The following IQCM variants were observed in gnomAD, a reference collection of about 807,000 sequenced individuals.
IQCM encodes IQ domain-containing protein M.
A neutral mutation model predicts 57.6 loss-of-function variants in IQCM; 45 were observed. The observed-to-expected ratio is 0.78, with a 90% CI of 0.62 to 1.00. The LOEUF (loss-of-function observed/expected upper bound fraction) is 1.00. IQCM is among the 50% of genes least tolerant of loss of function. The probability of loss-of-function intolerance (pLI) is 0.00; values close to 1 mark genes in which losing one functional copy is unlikely to be tolerated. For synonymous variants in IQCM, 148 were observed against 158.9 expected (o/e 0.93, Z 0.51); for missense variants, 468 against 511.6 (o/e 0.91, Z 0.82).
At chr4:149,414,565 A>T (rs1421953606) in intron 13 of IQCM, among the ~76,000 whole-genome samples, 1 of 152,182 alleles carries the variant, frequency 6.6e-6, no homozygotes, top group East Asian at 1.9e-4. Context: ...TTTGTCCATT[A>T]TAGTCCTTAC....
rs1373199067 is a variant in IQCM, at chr4:149,533,904, T to A, written c.1228+14551A>T. Among the ~76,000 whole-genome samples, 4 of 152,098 alleles carry A rather than the reference T, an allele frequency of 2.6e-5. 1 individual carries two copies. Among genetic ancestry groups the A allele is most frequent in the Non-Finnish European group, 5.9e-5 (4 of 68,006 alleles). ...TTAATAGAAAAAAAGAAATCCATTC[T>A]CTACAAACTATCTTAATATGAACTG... On this transcript the variant is annotated intron_variant, in intron 12 of 13. Transcript: ENST00000636793.
chr4:149,448,249 C>T (rs1736724058), intron 12 of IQCM, among the ~76,000 whole-genome samples: 1 of 151,416 alleles, frequency 6.6e-6, no homozygotes, highest in Non-Finnish European at 1.5e-5. Context: ...ACTTTAGAAA[C>T]TATACAACAT....
At chr4:149,674,290 A>C (rs1433302679) in intron 7 of IQCM, among the ~76,000 whole-genome samples, 3 of 152,156 alleles carry the variant, frequency 2.0e-5, no homozygotes, top group Non-Finnish European at 1.5e-5. Flanking sequence ...ACACTTTTAC[A>C]AAATAAAATG....
intron 8 of IQCM, among the ~76,000 whole-genome samples, chr4:149,603,550 A>G (rs1343073162): frequency 2.6e-5 from 4 of 152,122 alleles, no homozygotes; most frequent in Non-Finnish European, 5.9e-5. Context: ...TTGTGTCCCT[A>G]TGATAGACTC....
At chr4:149,546,399 T>A (rs1454560860) in intron 12 of IQCM, among the ~76,000 whole-genome samples, 6 of 152,186 alleles carry the variant, frequency 3.9e-5, no homozygotes, top group South Asian at 4.1e-4. Context: ...CGCCACACTG[T>A]CTTCCACAAT....
intron 10 of IQCM, among the ~76,000 whole-genome samples, chr4:149,559,992 T>C (rs1749967887): frequency 6.6e-6 from 1 of 152,240 alleles, no homozygotes; most frequent in African/African-American, 2.4e-5. Flanking sequence ...TGCCTGATGA[T>C]CTGAAGCAGA....
chr4:149,460,238 C>T (rs1170966739), intron 12 of IQCM, among the ~76,000 whole-genome samples: 1 of 152,032 alleles, frequency 6.6e-6, no homozygotes, highest in Non-Finnish European at 1.5e-5. Flanking sequence ...ATGTTTAATC[C>T]AGTCATTTTT....
At chr4:149,532,883 G>A (rs1373360541) in intron 12 of IQCM, among the ~76,000 whole-genome samples, 1 of 152,120 alleles carries the variant, frequency 6.6e-6, no homozygotes, top group Non-Finnish European at 1.5e-5. Context: ...ATCTCAAGTA[G>A]TAATAAGTGG....
chr4:149,408,282 A>C (rs769041838), intron 13 of IQCM, among the ~76,000 whole-genome samples: 1 of 152,214 alleles, frequency 6.6e-6, no homozygotes, highest in Non-Finnish European at 1.5e-5. Context: ...AATGTATGAA[A>C]TAGGTGATTA....
chr4:149,538,022 A>G (rs1747472615), intron 12 of IQCM, among the ~76,000 whole-genome samples: 1 of 151,420 alleles, frequency 6.6e-6, no homozygotes, highest in South Asian at 2.1e-4. Context: ...ATGTATTTAT[A>G]TATATATGAA....
chr4:149,533,533 G>A (rs1249445009), intron 12 of IQCM, among the ~76,000 whole-genome samples: 3 of 152,048 alleles, frequency 2.0e-5, no homozygotes, highest in Admixed American at 6.6e-5. Flanking sequence ...AGACATACCC[G>A]AGACTGGGTA....
At chr4:149,630,128 T>A (rs1422291032) in intron 7 of IQCM, among the ~76,000 whole-genome samples, 2 of 152,210 alleles carry the variant, frequency 1.3e-5, no homozygotes, top group Non-Finnish European at 2.9e-5. Context: ...TGAAAACTCT[T>A]GATTAAGAAA....
At chr4:149,383,289 C>T (rs993948409) in intron 13 of IQCM, among the ~76,000 whole-genome samples, 1 of 152,050 alleles carries the variant, frequency 6.6e-6, no homozygotes, top group Non-Finnish European at 1.5e-5. Flanking sequence ...TCTCCAGTAT[C>T]TAGGAAACTT....
At chr4:149,665,609 C>T (rs1760646873) in intron 7 of IQCM, among the ~76,000 whole-genome samples, 1 of 152,146 alleles carries the variant, frequency 6.6e-6, no homozygotes, top group African/African-American at 2.4e-5. Context: ...TGCCAAGCAA[C>T]TCCAGTTGGC....
At chr4:149,575,476 T>A (rs1047517463) in intron 9 of IQCM, among the ~76,000 whole-genome samples, 2 of 151,868 alleles carry the variant, frequency 1.3e-5, no homozygotes, top group African/African-American at 4.8e-5. Context: ...CCTCCTGAAG[T>A]GGAAGATAAT....
At chr4:149,429,842 C>T (rs1054405939) in intron 13 of IQCM, 3 of 411,614 alleles carry the variant, frequency 7.3e-6, no homozygotes, top group Middle Eastern at 6.3e-4. Flanking sequence ...AGATTCAAGG[C>T]TCTGGTAACT....
intron 12 of IQCM, among the ~76,000 whole-genome samples, chr4:149,452,714 T>C (rs976025542): frequency 2.6e-5 from 4 of 151,572 alleles, no homozygotes; most frequent in Admixed American, 6.6e-5. Context: ...CCTCCCAAAG[T>C]TTTATTTTGC....
At chr4:149,606,802 A>T (rs1376275987) in intron 8 of IQCM, among the ~76,000 whole-genome samples, 1 of 152,182 alleles carries the variant, frequency 6.6e-6, no homozygotes, top group Non-Finnish European at 1.5e-5. Flanking sequence ...CTCAATGCAG[A>T]ATTGCTCAAG....
chr4:149,682,416 G>T (rs1048640773), intron 6 of IQCM, among the ~76,000 whole-genome samples: 3 of 151,036 alleles, frequency 2.0e-5, no homozygotes, highest in Admixed American at 2.0e-4. Flanking sequence ...GTTCTGAGAC[G>T]AATAACAAAT....
Sources: gnomAD v4.1 joint callset for allele counts (sites outside exome capture counted in the v4.1 genomes callset) on GRCh38, gnomAD v4.1.1 for gene constraint, MANE v1.5 for transcripts, NCBI Gene and HGNC (gene_info 2026-07-23, HGNC 2026-07-21) for gene names.